PIN4: variants seen among roughly 807,000 people sequenced by gnomAD.
The protein encoded by PIN4 is peptidyl-prolyl cis-trans isomerase NIMA-interacting 4.
PIN4 carries 3 observed loss-of-function variants against 8.3 expected under a neutral mutation model. That is an observed-to-expected ratio of 0.36 (90% confidence interval 0.16 to 0.93). The LOEUF is 0.93. Among genes scored for constraint, PIN4 ranks in the 40% least tolerant of loss-of-function variants. The pLI, the probability that PIN4 is intolerant of heterozygous loss-of-function variation, is 0.44. For synonymous variants in PIN4, 18 were observed against 32.5 expected (o/e 0.55, Z 1.52); for missense variants, 75 against 100.6 (o/e 0.75, Z 1.09).
chrX:72,198,457 G>C (rs200890062), downstream of PIN4: 1 of 289,187 alleles, frequency 3.5e-6, no homozygotes, highest in Non-Finnish European at 4.6e-6. Flanking sequence ...TTTCCCACTT[G>C]AGAAGAGTTT....
At chrX:72,229,337 T>G (rs1207337152) in intron 3 of PIN4, among the ~76,000 whole-genome samples, 1 of 111,976 alleles carries the variant, frequency 8.9e-6, no homozygotes, top group African/African-American at 3.2e-5. Flanking sequence ...TGACAGCCTC[T>G]CTCTCAGCCA....
At chrX:72,252,155 AT>A (rs1483426583) in intron 3 of PIN4, among the ~76,000 whole-genome samples, 22 of 109,068 alleles carry the variant, frequency 2.0e-4, no homozygotes, top group Admixed American at 1.9e-3. Flanking sequence ...AATAAAAAAA[AT>A]TTTTTTTTGA....
chrX:72,187,654 T>C (rs925750781), intron 2 of PIN4, among the ~76,000 whole-genome samples: 3 of 110,999 alleles, frequency 2.7e-5, no homozygotes, highest in Admixed American at 9.6e-5. Flanking sequence ...AAATAAAAAA[T>C]CAGCCAGACG....
intron 3 of PIN4, chrX:72,207,459 A>G (rs780243104): frequency 8.3e-7 from 1 of 1,210,786 alleles, no homozygotes; most frequent in Non-Finnish European, 1.1e-6. Flanking sequence ...CTTCCCCCTC[A>G]TTTCCATCTT....
At chrX:72,223,935 C>T (rs1429985390) in intron 3 of PIN4, among the ~76,000 whole-genome samples, 3 of 110,943 alleles carry the variant, frequency 2.7e-5, no homozygotes, top group Non-Finnish European at 3.8e-5. Flanking sequence ...TCTTTGGGGA[C>T]ACTGGAAAAT....
chrX:72,246,926 C>G (rs1160604253), intron 3 of PIN4, among the ~76,000 whole-genome samples: 1 of 111,900 alleles, frequency 8.9e-6, no homozygotes, highest in African/African-American at 3.2e-5. Context: ...ACATTTCTGT[C>G]TTTTTCACAG....
chrX:72,237,493 G>GA (rs2147608014), intron 3 of PIN4, among the ~76,000 whole-genome samples: 1 of 111,264 alleles, frequency 9.0e-6, no homozygotes, highest in South Asian at 3.8e-4. Flanking sequence ...AGCTACTCGG[G>GA]AGGCTGAGGC....
rs181930448 is a variant in PIN4, at chrX:72,239,118, C to T, written c.313-23589C>T. 1,181 of 408,827 alleles carry T rather than the reference C, an allele frequency of 2.9e-3. 19 individuals carry two copies. The Admixed American group carries it at 0.044, about 15-fold the overall frequency. The allele number at this position is 408,827 out of a possible 1,213,427, so 33.7% of individuals were successfully genotyped here. ...CGCGCTGCGACGCCTCCGCCTGAGC[C>T]CCGCCCATGACGGTGGGCGCCTGCG... On this transcript the variant is annotated intron_variant, in intron 3 of 3. Coordinates refer to the PIN4 transcript ENST00000423432.
intron 3 of PIN4, among the ~76,000 whole-genome samples, chrX:72,233,721 C>CAA (rs35310682): frequency 1.6e-4 from 14 of 89,657 alleles, no homozygotes; most frequent in African/African-American, 4.6e-4. Flanking sequence ...GACTCCGTCT[C>CAA]AAAAAAAAAA....
chrX:72,186,920 C>T (rs1030082807), intron 2 of PIN4, among the ~76,000 whole-genome samples: 1 of 111,083 alleles, frequency 9.0e-6, no homozygotes, highest in African/African-American at 3.3e-5. Flanking sequence ...AGTAAGATTC[C>T]ATCTCAAAAA....
At chrX:72,220,150 G>T (rs4825951) in intron 3 of PIN4, among the ~76,000 whole-genome samples, 20 of 109,027 alleles carry the variant, frequency 1.8e-4, no homozygotes, top group African/African-American at 6.4e-4. Context: ...TTAGTTTTTA[G>T]GCATGTTAAA....
intron 3 of PIN4, chrX:72,238,793 C>A (rs1341553292): frequency 8.9e-7 from 1 of 1,118,424 alleles, no homozygotes; most frequent in African/African-American, 1.8e-5. Flanking sequence ...CACCCCACCT[C>A]CACCCTGGGC....
chrX:72,232,273 T>TAAAAAA (rs56070381), intron 3 of PIN4, among the ~76,000 whole-genome samples: 1 of 61,432 alleles, frequency 1.6e-5, no homozygotes, highest in African/African-American at 7.3e-5. Flanking sequence ...GAAGGAGTAT[T>TAAAAAA]AAAAAAAAAA....
rs942727941 is a variant in PIN4 at position 72,244,631 on chromosome X, T to C, written c.313-18076T>C. Among the ~76,000 whole-genome samples, 9 of 111,700 alleles carry C rather than the reference T, an allele frequency of 8.1e-5. No individual in the cohort carries two copies. In the South Asian group the frequency reaches 2.6e-3, roughly 33 times the overall value. Reference sequence around the variant, plus strand: ...CTGTGACAGAAACAGTACTCAAACCTAGGTACCTTCAATCCCAACCCAGCG... The same window carrying C: ...CTGTGACAGAAACAGTACTCAAACCCAGGTACCTTCAATCCCAACCCAGCG... On this transcript the variant is annotated intron_variant, in intron 3 of 3. Transcript: ENST00000423432.
intron 3 of PIN4, among the ~76,000 whole-genome samples, chrX:72,250,263 A>C (rs2043081581): frequency 9.0e-6 from 1 of 110,531 alleles, no homozygotes; most frequent in Non-Finnish European, 1.9e-5. Flanking sequence ...TAAAATGGTC[A>C]ATTTTATGTT....
At chrX:72,220,616 C>A (rs1022884118) in intron 3 of PIN4, among the ~76,000 whole-genome samples, 1 of 110,077 alleles carries the variant, frequency 9.1e-6, no homozygotes, top group Non-Finnish European at 1.9e-5. Flanking sequence ...GAGATAACAC[C>A]CCTCTGGCCA....
In PIN4 at chrX:72,197,408, C is replaced by A. The variant is rs1423088655; in HGVS notation, c.278C>A (p.Pro93Gln). The change falls in exon 4 of 4, where the codon CCA (proline) becomes CAA (glutamine). Residue 93 changes from proline to glutamine, a missense_variant. By Grantham distance (76) the Pro-to-Gln change is moderately conservative. Transcript: ENST00000373669. ...GWMTRGSMVGPFQEAAFALPV... is the reference protein window; with the variant it reads ...GWMTRGSMVGQFQEAAFALPV... ...ATGACCAGAGGGTCCATGGTGGGAC[C>A]ATTTCAAGAAGCAGCATTTGCCTTG... 2.0e-5 allele frequency: 24 copies of A among 1,205,827 alleles called. No homozygotes were observed. Among genetic ancestry groups the A allele is most frequent in the Non-Finnish European group, 2.4e-5 (21 of 892,205 alleles).
At chrX:72,212,160 C>G (rs570439969) in intron 3 of PIN4, among the ~76,000 whole-genome samples, 2 of 110,159 alleles carry the variant, frequency 1.8e-5, no homozygotes, top group South Asian at 7.9e-4. Context: ...GCCTGTAATC[C>G]CAGCTACTCG....
chrX:72,219,237 C>G (rs1569490951), intron 3 of PIN4, among the ~76,000 whole-genome samples: 1 of 109,489 alleles, frequency 9.1e-6, no homozygotes, highest in Admixed American at 9.7e-5. Context: ...GCCTGGGAAA[C>G]AGAATGAGAC....
Sources: allele counts gnomAD v4.1 joint callset (sites outside exome capture counted in the v4.1 genomes callset), GRCh38; gene constraint gnomAD v4.1.1; transcripts MANE v1.5; gene names NCBI Gene and HGNC (gene_info 2026-07-23, HGNC 2026-07-21).